The following SPTLC1 variants were observed in gnomAD, a reference collection of about 807,000 sequenced individuals.
SPTLC1 encodes serine palmitoyltransferase long chain base subunit 1.
In SPTLC1, 55 loss-of-function variants were observed where a neutral mutation model predicts 68.9. That is an observed-to-expected ratio of 0.80 (90% confidence interval 0.64 to 1.00). The LOEUF is 1.00. Among genes scored for constraint, SPTLC1 ranks in the 50% least tolerant of loss-of-function variants. SPTLC1 has a pLI of 0.00. For synonymous variants in SPTLC1, 197 were observed against 201.6 expected (o/e 0.98, Z 0.19); for missense variants, 449 against 573.1 (o/e 0.78, Z 2.21).
At chr9:92,101,615 A>G (rs1244700721) in intron 3 of SPTLC1, among the ~76,000 whole-genome samples, 10 of 148,094 alleles carry the variant, frequency 6.8e-5, no homozygotes, top group Non-Finnish European at 1.5e-4. Context: ...ACCAACAGAA[A>G]CCTTAGGAAT....
intron 3 of SPTLC1, among the ~76,000 whole-genome samples, chr9:92,098,703 A>C (rs75326603): frequency 2.5e-5 from 3 of 120,520 alleles, no homozygotes; most frequent in Non-Finnish European, 4.8e-5. Flanking sequence ...TGTAGGTTTC[A>C]AAAAAAAAAA....
Position 92,032,488 on chromosome 9 carries a change from C to T in SPTLC1, c.1399G>A (p.Val467Ile), listed in dbSNP as rs770008020. 1 of 1,614,218 alleles carries T rather than the reference C, an allele frequency of 6.2e-7. No individual in the cohort carries two copies. Among genetic ancestry groups the T allele is most frequent in the Admixed American group, 1.7e-5 (1 of 60,026 alleles). ...GCCTAGAGCAGGACGGCCTGGGCTA[C>T]CTCCTTGATGGTGGACGCAGCTCTC... ...LERAASTIKEVAQAVLL is the reference protein window; with the variant it reads ...LERAASTIKEIAQAVLL The change falls in exon 15 of 15, where the codon GTA (valine) becomes ATA (isoleucine). Residue 467 changes from valine (V) to isoleucine (I), a missense_variant. Val to Ile is a conservative substitution (Grantham distance 29). Coordinates refer to ENST00000262554, the MANE Select transcript of SPTLC1 (RefSeq NM_006415.4).
At chr9:92,074,240 G>T (rs756972909) in intron 5 of SPTLC1, among the ~76,000 whole-genome samples, 3 of 151,770 alleles carry the variant, frequency 2.0e-5, no homozygotes, top group Non-Finnish European at 4.4e-5. Flanking sequence ...TGTTTCCCTT[G>T]CCCCCACAAC....
intron 6 of SPTLC1, among the ~76,000 whole-genome samples, chr9:92,064,998 CGACA>C (rs1834233063): frequency 6.6e-6 from 1 of 152,164 alleles, no homozygotes; most frequent in African/African-American, 2.4e-5. Flanking sequence ...ATCCCTGTGG[CGACA>C]GAAATGTTCT....
intron 3 of SPTLC1, among the ~76,000 whole-genome samples, chr9:92,106,225 G>T (rs1216769880): frequency 6.6e-6 from 1 of 152,114 alleles, no homozygotes; most frequent in Non-Finnish European, 1.5e-5. Flanking sequence ...CCCCAAGTCT[G>T]CATTTTCGAC....
At position 92,050,880 on chromosome 9, in the gene SPTLC1, A is replaced by G. The variant is rs949549390; in HGVS notation, c.781-813T>C. ...CAGGCTAGAGTGCAGTGGTAGGATCATGGCTCACTGCAGCCTTGACCTCCT... is the reference window on the plus strand; with the variant it reads ...CAGGCTAGAGTGCAGTGGTAGGATCGTGGCTCACTGCAGCCTTGACCTCCT... On this transcript the variant is annotated intron_variant, in intron 8 of 14. Transcript: ENST00000262554. The G allele has an allele frequency of 2.8e-5, 10 of 363,452 alleles. No homozygotes were observed. The East Asian group carries it at 1.6e-3, about 60-fold the overall frequency. The allele number at this position is 363,452 out of a possible 1,614,324, so 22.5% of individuals were successfully genotyped here. A position where few individuals can be genotyped will look rare whatever the true frequency, so the allele number is the denominator to read the frequency against.
chr9:92,060,427 A>C (rs181494981), intron 6 of SPTLC1, among the ~76,000 whole-genome samples: 92 of 152,346 alleles, frequency 6.0e-4, no homozygotes, highest in Non-Finnish European at 1.0e-3. Context: ...ATGAGCCACC[A>C]TGAAGACACC....
At chr9:92,057,448 C>T (rs1178473563) in intron 7 of SPTLC1, among the ~76,000 whole-genome samples, 2 of 152,216 alleles carry the variant, frequency 1.3e-5, no homozygotes, top group Non-Finnish European at 2.9e-5. Flanking sequence ...AAACTCCTTC[C>T]AGTGTCATAG....
chr9:92,049,517 G>A (rs966613865), intron 9 of SPTLC1, among the ~76,000 whole-genome samples: 3 of 152,088 alleles, frequency 2.0e-5, no homozygotes, highest in East Asian at 3.9e-4. Context: ...ACGCACGCAC[G>A]CGTAACTGTA....
intron 3 of SPTLC1, among the ~76,000 whole-genome samples, chr9:92,103,774 T>C (rs2118798696): frequency 6.6e-6 from 1 of 152,214 alleles, no homozygotes; most frequent in East Asian, 1.9e-4. Context: ...TGGCTGGTCC[T>C]GTGCTCTGCT....
intron 3 of SPTLC1, among the ~76,000 whole-genome samples, chr9:92,092,767 G>T (rs1835409921): frequency 6.6e-6 from 1 of 152,136 alleles, no homozygotes; most frequent in African/African-American, 2.4e-5. Flanking sequence ...CCTACAGCTG[G>T]AATAGTACTT....
intron 3 of SPTLC1, among the ~76,000 whole-genome samples, chr9:92,096,526 C>A (rs982494517): frequency 2.0e-5 from 3 of 152,176 alleles, no homozygotes; most frequent in Admixed American, 2.0e-4. Context: ...ATGTGTCATT[C>A]TTGAAAATAG....
chr9:92,079,560 C>T (rs1834803718), intron 5 of SPTLC1: 1 of 1,613,166 alleles, frequency 6.2e-7, no homozygotes, highest in African/African-American at 1.3e-5. Flanking sequence ...GATCCTTCAT[C>T]TTCATTCTAG....
intron 12 of SPTLC1, among the ~76,000 whole-genome samples, chr9:92,042,323 G>A (rs1481311328): frequency 6.6e-6 from 1 of 152,144 alleles, no homozygotes; most frequent in Non-Finnish European, 1.5e-5. Flanking sequence ...AGGAAGGAAA[G>A]AGAGAACACC....
intron 6 of SPTLC1, among the ~76,000 whole-genome samples, chr9:92,060,899 C>T (rs1315311141): frequency 2.2e-5 from 3 of 139,512 alleles, no homozygotes; most frequent in Admixed American, 7.4e-5. Context: ...GGTGACAGAG[C>T]GAGACTCTGT....
In SPTLC1 at chr9:92,080,930, T is replaced by G; in HGVS notation, c.294A>C (p.Lys98Asn). 1 of 1,614,162 alleles carries G rather than the reference T, an allele frequency of 6.2e-7. No individual in the cohort carries two copies. Among genetic ancestry groups the G allele is most frequent in the East Asian group, 2.2e-5 (1 of 44,884 alleles). ...PPSHKTVVNGKECINFASFNF... is the reference protein window; with the variant it reads ...PPSHKTVVNGNECINFASFNF... Reference sequence around the variant, plus strand: ...TAAATGAGGCGAAGTTTATACATTCTTTTCCATTCACCACAGTTTTGTGGC... The same window carrying G: ...TAAATGAGGCGAAGTTTATACATTCGTTTCCATTCACCACAGTTTTGTGGC... Residue 98 changes from lysine to asparagine, a missense_variant, in exon 4 of 15, where the codon AAA becomes AAC. Physicochemically the swap from Lys to Asn is moderately conservative, Grantham distance 94 (BLOSUM62 0). This residue lies in a region of SPTLC1 where 391 missense variants were observed against 472.1 expected (regional missense o/e 0.83). Transcript: ENST00000262554.
intron 5 of SPTLC1, among the ~76,000 whole-genome samples, chr9:92,075,515 C>T (rs966530996): frequency 6.6e-6 from 1 of 152,190 alleles, no homozygotes; most frequent in Non-Finnish European, 1.5e-5. Flanking sequence ...ACAGCAAAAA[C>T]GCAGGGCTGC....
chr9:92,038,096 T>C, intron 13 of SPTLC1, 152 bp downstream of exon 13: 1 of 733,008 alleles, frequency 1.4e-6, no homozygotes, highest in Non-Finnish European at 2.5e-6. Flanking sequence ...AGGATTAGGA[T>C]TCCATGTCAA....
chr9:92,067,318 AC>A (rs371601682), intron 6 of SPTLC1, among the ~76,000 whole-genome samples: 3,931 of 151,482 alleles, frequency 0.026, 166 homozygotes, highest in African/African-American at 0.09. Context: ...AAAAAAAAAA[AC>A]AGAGAAGAGG....
Sources: allele counts gnomAD v4.1 joint callset (sites outside exome capture counted in the v4.1 genomes callset), GRCh38; gene constraint gnomAD v4.1.1; regional missense constraint gnomAD v4.1.1; transcripts MANE v1.5; gene names NCBI Gene and HGNC (gene_info 2026-07-23, HGNC 2026-07-21).